Variants in RGS22 observed in about 807,000 individuals in gnomAD.
The protein encoded by RGS22 is regulator of G protein signaling 22, also known as regulator of G-protein signaling 22.
Under a neutral mutation model 172.9 loss-of-function variants are expected in RGS22, and 148 were observed. The observed-to-expected ratio is 0.86, with a 90% CI of 0.75 to 0.98. RGS22 has a LOEUF of 0.98. Among genes scored for constraint, RGS22 ranks in the 50% least tolerant of loss-of-function variants. The pLI, the probability that RGS22 is intolerant of heterozygous loss-of-function variation, is 0.00. For synonymous variants in RGS22, 458 were observed against 480.2 expected (o/e 0.95, Z 0.60); for missense variants, 1,347 against 1,440.8 (o/e 0.93, Z 1.05).
At chr8:100,098,784 G>C (rs1813184925) in intron 2 of RGS22, among the ~76,000 whole-genome samples, 2 of 151,534 alleles carry the variant, frequency 1.3e-5, no homozygotes, top group South Asian at 2.1e-4. Flanking sequence ...TACCCAAAAG[G>C]CTTGAGAAGG....
intron 23 of RGS22, among the ~76,000 whole-genome samples, chr8:99,968,037 C>T (rs1302251435): frequency 6.6e-6 from 1 of 152,206 alleles, no homozygotes; most frequent in East Asian, 1.9e-4. Flanking sequence ...GAAGAAGGAG[C>T]AGGCAGCAAT....
intron 20 of RGS22, 115 bp downstream of exon 20, chr8:99,996,347 C>G (rs1814381862): frequency 1.3e-6 from 1 of 782,308 alleles, no homozygotes; most frequent in Admixed American, 2.3e-5. Flanking sequence ...GCTCAGTTGT[C>G]AGTTTAGAAA....
chr8:100,092,725 A>G (rs1186496242), intron 3 of RGS22, among the ~76,000 whole-genome samples: 10 of 152,054 alleles, frequency 6.6e-5, no homozygotes, highest in African/African-American at 7.2e-5. Context: ...ACATTACCCA[A>G]TCTCAGTTAT....
chr8:100,041,062 GA>G (rs1820049859), intron 12 of RGS22, among the ~76,000 whole-genome samples: 3 of 152,296 alleles, frequency 2.0e-5, no homozygotes, highest in African/African-American at 7.2e-5. Context: ...TAAGTGTTCA[GA>G]CTGTATTAGG....
chr8:100,057,239 G>A (rs1392123798), intron 9 of RGS22, among the ~76,000 whole-genome samples: 5 of 152,194 alleles, frequency 3.3e-5, no homozygotes, highest in African/African-American at 9.7e-5. Context: ...ATTGTATCTA[G>A]GAAGTAACTG....
intron 6 of RGS22, among the ~76,000 whole-genome samples, chr8:100,070,678 G>A (rs1810900968): frequency 6.6e-6 from 1 of 152,058 alleles, no homozygotes; most frequent in Non-Finnish European, 1.5e-5. Flanking sequence ...ATCATATGTA[G>A]TTATGCCAAA....
intron 11 of RGS22, among the ~76,000 whole-genome samples, chr8:100,044,861 T>G (rs1820547535): frequency 6.6e-6 from 1 of 152,168 alleles, no homozygotes; most frequent in Admixed American, 6.5e-5. Context: ...TTCAACTGTT[T>G]TGAACATGTA....
In RGS22 at chr8:100,105,354, C is replaced by T. The variant is rs1813844736; in HGVS notation, c.54+20G>A. On this transcript the variant is annotated intron_variant, in intron 2 of 27. Coordinates refer to ENST00000360863, the MANE Select transcript of RGS22 (RefSeq NM_015668.5). Reference sequence around the variant, plus strand: ...TTTTAAAGGCCAAAGAAAAAAATAGCCCCTTGAAATGATACTTACAAATTC... The same window carrying T: ...TTTTAAAGGCCAAAGAAAAAAATAGTCCCTTGAAATGATACTTACAAATTC... The T allele has an allele frequency of 6.3e-7, 1 of 1,594,224 alleles. No individual in the cohort carries two copies. Among genetic ancestry groups the T allele is most frequent in the Non-Finnish European group, 8.6e-7 (1 of 1,163,452 alleles).
At chr8:100,041,970 CA>C in intron 11 of RGS22, 54 bp from the exon 12 acceptor site, 1 of 1,175,188 alleles carries the variant, frequency 8.5e-7, no homozygotes. Flanking sequence ...AACTGATCAA[CA>C]AACAAATTTT....
chr8:100,096,675 T>G (rs1812999348), intron 2 of RGS22, among the ~76,000 whole-genome samples: 1 of 150,642 alleles, frequency 6.6e-6, no homozygotes, highest in Non-Finnish European at 1.5e-5. Flanking sequence ...AAAAAAATTT[T>G]TTTTTTTTTT....
chr8:100,025,398 T>C (rs1818071607), intron 14 of RGS22, among the ~76,000 whole-genome samples: 4 of 152,186 alleles, frequency 2.6e-5, no homozygotes, highest in Admixed American at 1.3e-4. Context: ...CACCAAAATT[T>C]ACCATAAAGC....
At chr8:100,021,579 G>C (rs1018205766) in intron 14 of RGS22, among the ~76,000 whole-genome samples, 1 of 152,148 alleles carries the variant, frequency 6.6e-6, no homozygotes, top group Non-Finnish European at 1.5e-5. Flanking sequence ...GGACCCCAAA[G>C]AGACCAAAAT....
intron 21 of RGS22, among the ~76,000 whole-genome samples, chr8:99,984,410 G>A (rs1014658526): frequency 6.6e-6 from 1 of 151,718 alleles, no homozygotes; most frequent in African/African-American, 2.4e-5. Flanking sequence ...TGAGTAAAAG[G>A]ACAGCATTTG....
At chr8:100,046,433 A>C (rs1349007461) in intron 11 of RGS22, 2 of 151,698 alleles carry the variant, frequency 1.3e-5, no homozygotes, top group Non-Finnish European at 2.9e-5. Context: ...AATGATGATA[A>C]TGCTTTCTTC....
intron 23 of RGS22, among the ~76,000 whole-genome samples, chr8:99,968,608 T>C (rs889129468): frequency 3.3e-5 from 5 of 151,806 alleles, no homozygotes; most frequent in Admixed American, 6.6e-5. Flanking sequence ...ATAGCTAGAC[T>C]GATCAAGCGG....
At chr8:100,057,838 A>G (rs777139582) in intron 9 of RGS22, among the ~76,000 whole-genome samples, 1 of 152,162 alleles carries the variant, frequency 6.6e-6, no homozygotes, top group Non-Finnish European at 1.5e-5. Flanking sequence ...AACATCATCC[A>G]GGAAAAAACA....
rs990397989 is a variant in RGS22 at position 100,051,393 on chromosome 8, T to G, written c.1689+1409A>C. Reference sequence around the variant, plus strand: ...ATGAGTGACATGATTTTATATATATTTTTATATATATATTTATTATATATA... The same window carrying G: ...ATGAGTGACATGATTTTATATATATGTTTATATATATATTTATTATATATA... On this transcript the variant is annotated intron_variant, in intron 10 of 27. Transcript: ENST00000360863. Among the ~76,000 whole-genome samples, 165 of 126,156 alleles carry G rather than the reference T, an allele frequency of 1.3e-3. 1 individual carries two copies. Among genetic ancestry groups the G allele is most frequent in the Non-Finnish European group, 2.3e-3 (139 of 60,598 alleles). The allele number at this position is 126,156 out of a possible 152,430, so 82.8% of individuals were successfully genotyped here.
Position 99,980,537 on chromosome 8 carries a change from G to A in RGS22, c.3360+1400C>T, listed in dbSNP as rs1337328922. On this transcript the variant is annotated intron_variant, in intron 22 of 27. Coordinates refer to ENST00000360863, the MANE Select transcript of RGS22 (RefSeq NM_015668.5). Reference sequence around the variant, plus strand: ...ATCTGTGGCTTGTATCCTGGGGTAGGAGGCAATGCCATTCTCTAAACTTCC... The same window carrying A: ...ATCTGTGGCTTGTATCCTGGGGTAGAAGGCAATGCCATTCTCTAAACTTCC... Among the ~76,000 whole-genome samples the A allele has an allele frequency of 2.0e-5, 3 of 152,172 alleles. No individual in the cohort carries two copies. In the South Asian group the frequency reaches 6.2e-4, roughly 31 times the overall value.
chr8:100,080,173 G>T lies in RGS22; in HGVS notation c.300C>A (p.Pro100=), dbSNP rs377393990. Residue 100 remains proline, a synonymous_variant, in exon 4 of 28, where the codon CCC becomes CCA. Transcript: ENST00000360863. ...TGACATTAATGGTCTCATCTTCATCGGGGGCATTCATTTGAACAGGTTTAA... is the reference window on the plus strand; with the variant it reads ...TGACATTAATGGTCTCATCTTCATCTGGGGCATTCATTTGAACAGGTTTAA... ...NEVKPVQMNA[P]DEDETINVNY... is the part of the protein sequence containing the mutation. The T allele has an allele frequency of 6.2e-7, 1 of 1,612,150 alleles. No homozygotes were observed. Among genetic ancestry groups the T allele is most frequent in the Non-Finnish European group, 8.5e-7 (1 of 1,178,538 alleles).
Sources: gnomAD v4.1 joint callset for allele counts (sites outside exome capture counted in the v4.1 genomes callset) on GRCh38, gnomAD v4.1.1 for gene constraint, MANE v1.5 for transcripts, NCBI Gene and HGNC (gene_info 2026-07-23, HGNC 2026-07-21) for gene names.